EXT1: variants seen among roughly 807,000 people sequenced by gnomAD.
EXT1 encodes the protein exostosin-1.
EXT1 carries 20 observed loss-of-function variants against 82.5 expected under a neutral mutation model. The ratio of observed to expected loss-of-function variants is 0.24; its 90% CI spans 0.17 to 0.35. EXT1 has a LOEUF of 0.35. Among genes scored for constraint, EXT1 ranks in the 10% least tolerant of loss-of-function variants. The probability of loss-of-function intolerance (pLI) is 1.00; values close to 1 mark genes in which losing one functional copy is unlikely to be tolerated. For synonymous variants in EXT1, 348 were observed against 350.8 expected (o/e 0.99, Z 0.09); for missense variants, 757 against 936.5 (o/e 0.81, Z 2.50).
intron 3 of EXT1, 149 bp from the exon 4 acceptor site, chr8:117,830,498 G>C: frequency 1.2e-6 from 1 of 845,878 alleles, no homozygotes; most frequent in Non-Finnish European, 1.8e-6. Context: ...TTCCTAAGTT[G>C]AAATGACCTT....
At chr8:118,079,827 A>T (rs1817279010) in intron 1 of EXT1, among the ~76,000 whole-genome samples, 1 of 152,234 alleles carries the variant, frequency 6.6e-6, no homozygotes, top group Non-Finnish European at 1.5e-5. Context: ...GGATGTAGTC[A>T]GGAGGAGGAT....
At chr8:117,963,391 C>T (rs1201723816) in intron 1 of EXT1, among the ~76,000 whole-genome samples, 4 of 152,190 alleles carry the variant, frequency 2.6e-5, no homozygotes, top group Non-Finnish European at 4.4e-5. Context: ...CTTAATAAAA[C>T]TCCATGTCTT....
At chr8:117,996,045 G>C (rs556573099) in intron 1 of EXT1, among the ~76,000 whole-genome samples, 2 of 151,814 alleles carry the variant, frequency 1.3e-5, no homozygotes, top group Admixed American at 1.3e-4. Flanking sequence ...CAAGAAATGG[G>C]GTCTACTGCC....
chr8:118,098,530 A>G (rs1394169339), intron 1 of EXT1, among the ~76,000 whole-genome samples: 1 of 151,950 alleles, frequency 6.6e-6, no homozygotes, highest in African/African-American at 2.4e-5. Context: ...GCCGAGGCGG[A>G]CAGATCACGA....
At chr8:117,835,707 T>A (rs937429662) in intron 2 of EXT1, among the ~76,000 whole-genome samples, 156 bp from the exon 3 acceptor site, 1 of 152,218 alleles carries the variant, frequency 6.6e-6, no homozygotes, top group African/African-American at 2.4e-5. Context: ...TTTTATGAGT[T>A]ATCAAGTCAC....
At chr8:118,091,443 AAAAT>A (rs1426452695) in intron 1 of EXT1, among the ~76,000 whole-genome samples, 1 of 152,240 alleles carries the variant, frequency 6.6e-6, no homozygotes, top group African/African-American at 2.4e-5. Context: ...TTATTACAAA[AAAAT>A]AAATAAGTCG....
chr8:117,825,708 G>A (rs553023852), intron 4 of EXT1, among the ~76,000 whole-genome samples: 1 of 152,236 alleles, frequency 6.6e-6, no homozygotes, highest in Admixed American at 6.5e-5. Flanking sequence ...GATACACGAT[G>A]CCACCATATG....
chr8:118,052,921 A>T (rs1351035548), intron 1 of EXT1, among the ~76,000 whole-genome samples: 2 of 152,206 alleles, frequency 1.3e-5, no homozygotes, highest in Non-Finnish European at 2.9e-5. Flanking sequence ...TTTAGGAGAC[A>T]ATCCTAGACT....
At chr8:117,878,084 C>T (rs1026313561) in intron 1 of EXT1, among the ~76,000 whole-genome samples, 7 of 152,136 alleles carry the variant, frequency 4.6e-5, no homozygotes, top group African/African-American at 1.7e-4. Flanking sequence ...ACCAGCCTGG[C>T]CAACATGGTG....
intron 1 of EXT1, among the ~76,000 whole-genome samples, chr8:118,076,602 T>C (rs1251244098): frequency 6.6e-6 from 1 of 152,272 alleles, no homozygotes; most frequent in African/African-American, 2.4e-5. Context: ...AAGTATCTTA[T>C]GAATTCCTCA....
intron 1 of EXT1, among the ~76,000 whole-genome samples, chr8:118,077,908 T>G (rs7341586): frequency 0.013 from 2,022 of 152,296 alleles, 40 homozygotes; most frequent in African/African-American, 0.046. Context: ...AGAACATTTA[T>G]GAATACCAAA....
intron 1 of EXT1, among the ~76,000 whole-genome samples, chr8:117,948,789 C>T (rs1219910846): frequency 2.6e-5 from 4 of 152,328 alleles, no homozygotes; most frequent in African/African-American, 9.6e-5. Flanking sequence ...TTGTCTTGGT[C>T]TTCATTTTTT....
intron 1 of EXT1, among the ~76,000 whole-genome samples, chr8:117,860,759 A>G (rs1812668357): frequency 6.6e-6 from 1 of 152,212 alleles, no homozygotes; most frequent in African/African-American, 2.4e-5. Flanking sequence ...ATTTGGCAGC[A>G]CTGGACCTGC....
rs1817903381 is a variant in EXT1 at position 118,111,508 on chromosome 8, A to G, written c.-462T>C. On this transcript the variant is annotated 5_prime_UTR_variant, in exon 1 of 11. Coordinates refer to ENST00000378204, the MANE Select transcript of EXT1 (RefSeq NM_000127.3). ...AACTCATCCACCACTCTCCGTGCAG[A>G]GCACTCCGGTTCCAACAAGTCAGCC... The G allele has an allele frequency of 4.1e-6, 2 of 491,288 alleles. No individual in the cohort carries two copies. 30.4% of individuals were successfully genotyped at this position (491,288 alleles called of 1,614,324 possible).
chr8:118,098,348 C>T (rs1817656773), intron 1 of EXT1, among the ~76,000 whole-genome samples: 1 of 152,126 alleles, frequency 6.6e-6, no homozygotes, highest in Admixed American at 6.5e-5. Flanking sequence ...CAAACCCTAA[C>T]ATCCATATGC....
chr8:118,013,793 A>G (rs1306144813), intron 1 of EXT1, among the ~76,000 whole-genome samples: 1 of 152,232 alleles, frequency 6.6e-6, no homozygotes, highest in Admixed American at 6.5e-5. Context: ...GTATGTTCAA[A>G]TATTTCATGG....
At chr8:117,982,254 T>C (rs1286205606) in intron 1 of EXT1, among the ~76,000 whole-genome samples, 1 of 152,156 alleles carries the variant, frequency 6.6e-6, no homozygotes, top group East Asian at 1.9e-4. Flanking sequence ...AAGACTGACA[T>C]ATCTGTTTCC....
chr8:117,929,511 CT>C (rs1487521672), intron 1 of EXT1, among the ~76,000 whole-genome samples: 1 of 152,184 alleles, frequency 6.6e-6, no homozygotes, highest in Admixed American at 6.5e-5. Flanking sequence ...GGAGTAGGAA[CT>C]TAATATTTTT....
In EXT1 at chr8:117,830,319, C is replaced by A; in HGVS notation, c.1195G>T (p.Asp399Tyr). The part of the protein sequence containing the change: ...IPSTIRSIHQ[D>Y]KILALRQQTQ... ...TGCTGTCTAAGTGCTAGGATTTTAT[C>A]CTGATGAATAGACCTGATTGTAGAA... is the stretch of plus-strand genomic sequence containing the variant. Residue 399 changes from aspartate (D) to tyrosine (Y), a missense_variant, in exon 4 of 11, where the codon GAT (aspartate) becomes TAT (tyrosine). This residue lies in a region of EXT1 where 207 missense variants were observed against 224.2 expected (regional missense o/e 0.92). Transcript: ENST00000378204. The A allele has an allele frequency of 6.2e-7, 1 of 1,614,040 alleles. No individual in the cohort carries two copies. Among genetic ancestry groups the A allele is most frequent in the Non-Finnish European group, 8.5e-7 (1 of 1,179,960 alleles).
Sources: gnomAD v4.1 joint callset for allele counts (sites outside exome capture counted in the v4.1 genomes callset) on GRCh38, gnomAD v4.1.1 for gene constraint, gnomAD v4.1.1 regional missense constraint, MANE v1.5 for transcripts, NCBI Gene and HGNC (gene_info 2026-07-23, HGNC 2026-07-21) for gene names.